The following NBN variants were observed in gnomAD, a reference collection of about 807,000 sequenced individuals.
The protein encoded by NBN is nibrin, also known as Nijmegen breakage syndrome 1 (nibrin).
Under a neutral mutation model 90.8 loss-of-function variants are expected in NBN, and 88 were observed. The ratio of observed to expected loss-of-function variants is 0.97; its 90% CI spans 0.82 to 1.16. The LOEUF (loss-of-function observed/expected upper bound fraction) is 1.16. Among genes scored for constraint, NBN ranks in the 50% most tolerant of loss-of-function variants. The pLI, the probability that NBN is intolerant of heterozygous loss-of-function variation, is 0.00. For missense variants in NBN, 894 were observed against 869.6 expected (o/e 1.03, Z -0.35); for synonymous variants, 328 against 295.1 (o/e 1.11, Z -1.14).
rs547081912 is a variant in NBN at position 89,933,376 on chromosome 8, G to A, written c.*2206C>T. Reference sequence around the variant, plus strand: ...TATTACAATGTAATCCCAACTTAAGGAGCATCTATGCAGCTACAGTAATTC... The same window carrying A: ...TATTACAATGTAATCCCAACTTAAGAAGCATCTATGCAGCTACAGTAATTC... On this transcript the variant is annotated 3_prime_UTR_variant, in exon 16 of 16. Transcript: ENST00000265433. 66 of 220,560 alleles carry A rather than the reference G, an allele frequency of 3.0e-4. No homozygotes were observed. The highest frequency in any genetic ancestry group is 5.2e-4 in the Non-Finnish European group (58 of 110,756). 13.7% of individuals were successfully genotyped at this position (220,560 alleles called of 1,614,324 possible).
chr8:89,933,346 G>A lies in NBN; in HGVS notation c.*2236C>T, dbSNP rs1481917370. On this transcript the variant is annotated 3_prime_UTR_variant, in exon 16 of 16. Coordinates refer to ENST00000265433, the MANE Select transcript of NBN (RefSeq NM_002485.5). Reference sequence around the variant, plus strand: ...AAATACAGTATTTTCAACTTACATTGCGTTTATTACAATGTAATCCCAACT... The same window carrying A: ...AAATACAGTATTTTCAACTTACATTACGTTTATTACAATGTAATCCCAACT... The A allele has an allele frequency of 4.7e-6, 1 of 212,850 alleles. No individual in the cohort carries two copies. Among genetic ancestry groups the A allele is most frequent in the Non-Finnish European group, 9.5e-6 (1 of 105,342 alleles). 13.2% of individuals were successfully genotyped at this position (212,850 alleles called of 1,614,324 possible).
intron 9 of NBN, among the ~76,000 whole-genome samples, chr8:89,958,417 T>C (rs1810830868): frequency 6.6e-6 from 1 of 152,246 alleles, no homozygotes; most frequent in Admixed American, 6.5e-5. Flanking sequence ...AAAGTATCCT[T>C]GTCTTTAAGA....
chr8:89,980,752 T>A lies in NBN; in HGVS notation c.462A>T (p.Ser154=), dbSNP rs1214415718. The part of the protein sequence containing the change: ...TEECTHLVMV[S]VKVTIKTICA... ...AACCTACTTTAATGGTAACTTTCAC[T>A]GATACCATGACAAGGTGAGTGCATT... The change falls in exon 4 of 16, where the codon TCA becomes TCT. Residue 154 remains serine (S), a synonymous_variant. Transcript: ENST00000265433. 1 of 1,612,674 alleles carries A rather than the reference T, an allele frequency of 6.2e-7. No individual in the cohort carries two copies. Among genetic ancestry groups the A allele is most frequent in the East Asian group, 2.2e-5 (1 of 44,784 alleles).
rs2129915101 is a variant in NBN, at chr8:89,981,439, C to G, written c.256G>C (p.Gly86Arg). The change falls in exon 3 of 16, where the codon GGC becomes CGC. Residue 86 changes from glycine to arginine, a missense_variant. Coordinates refer to ENST00000265433, the MANE Select transcript of NBN (RefSeq NM_002485.5). ...CCCGACTTCAAAGTTCGGGAAAAGC[C>G]ATTCTGCATTTTTTCCTCATTAACA... ...TFVNEEKMQN[G>R]FSRTLKSGDG... The G allele has an allele frequency of 6.2e-7, 1 of 1,614,034 alleles. No individual in the cohort carries two copies. The highest frequency in any genetic ancestry group is 1.7e-4 in the Middle Eastern group (1 of 6,042).
chr8:89,948,943 T>C (rs1046040320), intron 11 of NBN, among the ~76,000 whole-genome samples: 1 of 152,200 alleles, frequency 6.6e-6, no homozygotes, highest in African/African-American at 2.4e-5. Flanking sequence ...ACTCAGAGAA[T>C]CATACGACCT....
chr8:89,936,087 C>CT (rs35393048), intron 15 of NBN: 64,275 of 278,578 alleles, frequency 0.23, 5,400 homozygotes, highest in East Asian at 0.3. Flanking sequence ...TCTGTCAACA[C>CT]TTTTTTTTTT....
chr8:89,956,546 A>T (rs1003760235), intron 9 of NBN, among the ~76,000 whole-genome samples: 2 of 152,210 alleles, frequency 1.3e-5, no homozygotes, highest in Non-Finnish European at 2.9e-5. Context: ...GTAGACACAT[A>T]TAAAGTATCT....
At position 89,982,803 on chromosome 8, in the gene NBN, GTT is replaced by G. The variant is rs587781718; in HGVS notation, c.88_89del (p.Asn30LeufsTer6). On this transcript the variant is annotated frameshift_variant, in exon 2 of 16. Transcript: ENST00000265433. LOFTEE classifies it high-confidence loss of function. ...TGVEYVVGRK[N>X]CAILIENDQS... ...GATCATTTTCAATCAGAATGGCACA[GTT>G]TTTCCTTCCAACAACGTACTCAACG... is the stretch of plus-strand genomic sequence containing the variant. The G allele has an allele frequency of 1.2e-6, 2 of 1,613,584 alleles. No homozygotes were observed. The highest frequency in any genetic ancestry group is 1.7e-6 in the Non-Finnish European group (2 of 1,179,618).
At chr8:89,936,683 T>C (rs894298201) in intron 15 of NBN, among the ~76,000 whole-genome samples, 2 of 152,200 alleles carry the variant, frequency 1.3e-5, no homozygotes, top group African/African-American at 4.8e-5. Context: ...AAACAAATGG[T>C]CTGGCATTTT....
At chr8:89,981,082 C>T (rs1375613776) in intron 3 of NBN, among the ~76,000 whole-genome samples, 189 bp from the exon 4 acceptor site, 1 of 152,092 alleles carries the variant, frequency 6.6e-6, no homozygotes, top group Non-Finnish European at 1.5e-5. Flanking sequence ...ATTATCAAAT[C>T]CTAAGTCTTG....
intron 7 of NBN, among the ~76,000 whole-genome samples, chr8:89,964,929 C>A (rs1811177971): frequency 6.6e-6 from 1 of 152,066 alleles, no homozygotes; most frequent in African/African-American, 2.4e-5. Context: ...GCCTGGCCAA[C>A]ATGGTAAAAC....
At chr8:89,976,913 A>G (rs1811784431) in intron 5 of NBN, among the ~76,000 whole-genome samples, 2 of 152,182 alleles carry the variant, frequency 1.3e-5, no homozygotes, top group African/African-American at 4.8e-5. Context: ...GGAAAACCTG[A>G]TTTTTTATTA....
chr8:89,972,940 A>C (rs927225937), intron 5 of NBN, among the ~76,000 whole-genome samples: 6 of 152,192 alleles, frequency 3.9e-5, no homozygotes, highest in African/African-American at 9.7e-5. Flanking sequence ...TCTATTATTC[A>C]CACTGTCATT....
chr8:89,936,019 A>G, intron 15 of NBN: 1 of 360,386 alleles, frequency 2.8e-6, no homozygotes, highest in South Asian at 2.2e-5. Context: ...CTCCTACAGC[A>G]GTTAAACAAA....
At chr8:89,940,408 C>T (rs1470172935) in intron 14 of NBN, among the ~76,000 whole-genome samples, 1 of 152,062 alleles carries the variant, frequency 6.6e-6, no homozygotes, top group African/African-American at 2.4e-5. Context: ...TGAGCCACAC[C>T]ATTGTGCCTG....
chr8:89,946,537 G>T, intron 12 of NBN: 2 of 429,858 alleles, frequency 4.7e-6, no homozygotes. Context: ...TGTGACAGAA[G>T]GCTAAAAACT....
chr8:89,946,340 CAAAGA>C (rs1225450969), intron 12 of NBN, 45 bp from the exon 13 acceptor site: 1 of 1,498,576 alleles, frequency 6.7e-7, no homozygotes, highest in Non-Finnish European at 9.3e-7. Context: ...GAAGAAATAA[CAAAGA>C]AAAGTCACTT....
intron 1 of NBN, chr8:89,984,197 C>G (rs1812215365): frequency 4.3e-6 from 2 of 459,812 alleles, no homozygotes; most frequent in Non-Finnish European, 7.9e-6. Flanking sequence ...TAGGCGCCTG[C>G]TGCCGCTTAC....
chr8:89,958,719 C>A lies in NBN; in HGVS notation c.1124+6G>T, dbSNP rs375862750. 102 of 1,613,326 alleles carry A rather than the reference C, an allele frequency of 6.3e-5. 1 individual carries two copies. The highest frequency in any genetic ancestry group is 2.7e-4 in the African/African-American group (20 of 74,878). ...TAACAATAGTACGGTAATGAAGAAGCTTTACCATGTATCTGCTTGCTCTGA... is the reference window on the plus strand; with the variant it reads ...TAACAATAGTACGGTAATGAAGAAGATTTACCATGTATCTGCTTGCTCTGA... On this transcript the variant is annotated splice_donor_region_variant and intron_variant, in intron 9 of 15. Transcript: ENST00000265433.
Sources: allele counts gnomAD v4.1 joint callset (sites outside exome capture counted in the v4.1 genomes callset), GRCh38; gene constraint gnomAD v4.1.1; transcripts MANE v1.5; gene names NCBI Gene and HGNC (gene_info 2026-07-23, HGNC 2026-07-21).